EED: variants seen among roughly 807,000 people sequenced by gnomAD.
EED encodes polycomb protein EED.
A neutral mutation model predicts 61.0 loss-of-function variants in EED; 9 were observed. The ratio of observed to expected loss-of-function variants is 0.15; its 90% CI spans 0.09 to 0.26. The LOEUF is 0.26. Ranked by LOEUF, EED falls within the 10% of genes least tolerant of loss-of-function variation. The pLI, the probability that EED is intolerant of heterozygous loss-of-function variation, is 1.00. For synonymous variants in EED, 187 were observed against 174.4 expected (o/e 1.07, Z -0.57); for missense variants, 315 against 542.3 (o/e 0.58, Z 4.16).
In EED at chr11:86,277,932, C is replaced by T. The variant is rs1274739582; in HGVS notation, c.1140C>T (p.Gly380=). The T allele has an allele frequency of 6.5e-7, 1 of 1,544,140 alleles. No homozygotes were observed. The highest frequency in any genetic ancestry group is 8.7e-7 in the Non-Finnish European group (1 of 1,155,290). The change falls in exon 11 of 12, where the codon GGC becomes GGT. Residue 380 remains glycine, a synonymous_variant. Coordinates refer to ENST00000263360, the MANE Select transcript of EED (RefSeq NM_003797.5). ...TGTTTATACAGATGCTTGCATTGGG[C>T]AATCAAGTTGGCAAACTTTATGTTT... ...MDFWQKMLAL[G]NQVGKLYVWD...
chr11:86,249,214 A>G (rs1235389162), intron 1 of EED, among the ~76,000 whole-genome samples: 1 of 152,216 alleles, frequency 6.6e-6, no homozygotes, highest in East Asian at 1.9e-4. Context: ...TGATATTCAC[A>G]TTAAATTACA....
At chr11:86,249,298 A>C (rs534568956) in intron 1 of EED, among the ~76,000 whole-genome samples, 1 of 151,672 alleles carries the variant, frequency 6.6e-6, no homozygotes, top group African/African-American at 2.4e-5. Flanking sequence ...TTAACCTTCT[A>C]TATAAAACCA....
At chr11:86,253,644 A>G (rs1458532652) in intron 3 of EED, among the ~76,000 whole-genome samples, 1 of 152,208 alleles carries the variant, frequency 6.6e-6, no homozygotes, top group Admixed American at 6.5e-5. Context: ...ACATTAACAT[A>G]GAGGAGATAA....
intron 1 of EED, among the ~76,000 whole-genome samples, chr11:86,247,949 C>T (rs1009501693): frequency 5.3e-5 from 8 of 152,188 alleles, no homozygotes; most frequent in Non-Finnish European, 1.2e-4. Context: ...CATATGACTG[C>T]AGAGTAGTTG....
intron 4 of EED, 105 bp downstream of exon 4, chr11:86,255,392 T>C (rs1945642932): frequency 1.1e-6 from 1 of 916,182 alleles, no homozygotes; most frequent in Non-Finnish European, 1.6e-6. Flanking sequence ...TATTGTTCTT[T>C]CTTAACCGAT....
At chr11:86,274,129 A>T in intron 9 of EED, among the ~76,000 whole-genome samples, 3 of 148,458 alleles carry the variant, frequency 2.0e-5, no homozygotes, top group African/African-American at 2.5e-5. Flanking sequence ...AGATTGGGTA[A>T]TTTCTATTGT....
chr11:86,278,373 A>G, intron 11 of EED, 26 bp from the exon 12 acceptor site: 1 of 1,609,076 alleles, frequency 6.2e-7, no homozygotes, highest in Non-Finnish European at 8.5e-7. Context: ...TGTGGTCTTT[A>G]ACCTGTTGTC....
intron 6 of EED, among the ~76,000 whole-genome samples, chr11:86,262,450 TTTTA>T (rs1408818685): frequency 6.6e-6 from 1 of 152,150 alleles, no homozygotes; most frequent in Non-Finnish European, 1.5e-5. Context: ...CAAGGATGGC[TTTTA>T]TTTATTTATT....
chr11:86,272,232 A>G (rs1262307404), intron 9 of EED, among the ~76,000 whole-genome samples: 1 of 147,516 alleles, frequency 6.8e-6, no homozygotes, highest in Non-Finnish European at 1.5e-5. Flanking sequence ...TAATTTTTTT[A>G]TGTTTTTAGT....
At chr11:86,285,888 C>T in the EED span, among the ~76,000 whole-genome samples, 3 of 151,438 alleles carry the variant, frequency 2.0e-5, no homozygotes, top group East Asian at 4.0e-4. Flanking sequence ...TGTGAGCCAC[C>T]AGGCCTGGTG....
At chr11:86,282,770 T>C (rs972560411), downstream of EED, among the ~76,000 whole-genome samples, 2 of 152,192 alleles carry the variant, frequency 1.3e-5, no homozygotes, top group Non-Finnish European at 2.9e-5. Context: ...TCAACTCTGC[T>C]GCTGTAGGGC....
At chr11:86,261,250 T>G (rs573958960) in intron 6 of EED, among the ~76,000 whole-genome samples, 30 of 152,194 alleles carry the variant, frequency 2.0e-4, no homozygotes, top group South Asian at 2.1e-4. Context: ...AAAGGAGAGA[T>G]AGGCAAGAAT....
chr11:86,264,105 T>G (rs922608301), intron 6 of EED, 67 bp from the exon 7 acceptor site: 9 of 1,296,532 alleles, frequency 6.9e-6, no homozygotes, highest in African/African-American at 1.5e-5. Context: ...TAGTTTTTCT[T>G]TCACAAGATG....
intron 6 of EED, chr11:86,263,829 A>T (rs1945905080): frequency 5.6e-6 from 1 of 178,466 alleles, no homozygotes; most frequent in African/African-American, 2.3e-5. Flanking sequence ...CAAGAGATTG[A>T]ATTTATAGCC....
Position 86,277,960 on chromosome 11 carries a change from G to A in EED, c.1168G>A (p.Asp390Asn). The change falls in exon 11 of 12, where the codon GAT (aspartate) becomes AAT (asparagine). Residue 390 changes from aspartate to asparagine, a missense_variant. Physicochemically the swap from Asp to Asn is conservative, Grantham distance 23. This residue lies in a region of EED where 205 missense variants were observed against 455.4 expected (regional missense o/e 0.45). Transcript: ENST00000263360. ...GNQVGKLYVW[D>N]LEVEDPHKAK... ...TCAAGTTGGCAAACTTTATGTTTGG[G>A]ATTTAGAAGTAGAAGATCCTCATAA... 1.3e-6 allele frequency: 2 copies of A among 1,539,500 alleles called. No individual in the cohort carries two copies. The highest frequency in any genetic ancestry group is 1.7e-6 in the Non-Finnish European group (2 of 1,152,836).
Position 86,245,337 on chromosome 11 carries a change from C to T in EED, c.108C>T (p.Asp36=). The T allele has an allele frequency of 6.2e-7, 1 of 1,609,944 alleles. No individual in the cohort carries two copies. ...ACAGCAATCCAGACCTCTCTGGAGACGAGAATGTAAGTGCAGCTTCTGGCA... is the reference window on the plus strand; with the variant it reads ...ACAGCAATCCAGACCTCTCTGGAGATGAGAATGTAAGTGCAGCTTCTGGCA... ...DENSNPDLSG[D]ENDDAVSIES... is the part of the protein sequence containing the mutation. The change falls in exon 1 of 12, where the codon GAC becomes GAT. Residue 36 remains aspartate, a synonymous_variant. Coordinates refer to ENST00000263360, the MANE Select transcript of EED (RefSeq NM_003797.5).
chr11:86,254,999 A>G (rs1945633702), intron 3 of EED, among the ~76,000 whole-genome samples: 1 of 152,240 alleles, frequency 6.6e-6, no homozygotes, highest in African/African-American at 2.4e-5. Context: ...AGTTTAAAAG[A>G]TTGGAAATCG....
At chr11:86,274,717 T>A (rs1308698969) in intron 9 of EED, among the ~76,000 whole-genome samples, 2 of 152,148 alleles carry the variant, frequency 1.3e-5, no homozygotes, top group Non-Finnish European at 2.9e-5. Context: ...CCATTTACAC[T>A]CTGGGTAGTT....
chr11:86,253,223 G>A (rs769737077), intron 3 of EED, among the ~76,000 whole-genome samples: 1 of 152,116 alleles, frequency 6.6e-6, no homozygotes, highest in Non-Finnish European at 1.5e-5. Flanking sequence ...AGATAATGTA[G>A]TCTGCTTATA....
Sources: allele counts gnomAD v4.1 joint callset (sites outside exome capture counted in the v4.1 genomes callset), GRCh38; gene constraint gnomAD v4.1.1; regional missense constraint gnomAD v4.1.1; transcripts MANE v1.5; gene names NCBI Gene and HGNC (gene_info 2026-07-23, HGNC 2026-07-21).